MYO16: variants seen among roughly 807,000 people sequenced by gnomAD.
The protein encoded by MYO16 is myosin XVI.
A neutral mutation model predicts 205.3 loss-of-function variants in MYO16; 94 were observed. That is an observed-to-expected ratio of 0.46 (90% CI 0.39 to 0.54). The LOEUF (loss-of-function observed/expected upper bound fraction) is 0.54. Ranked by LOEUF, MYO16 falls within the 20% of genes least tolerant of loss-of-function variation. MYO16 has a pLI of 0.00. For missense variants in MYO16, 2,315 were observed against 2,387.5 expected, an observed-to-expected ratio of 0.97 and a Z score of 0.63; for synonymous variants, 988 against 954.0, an observed-to-expected ratio of 1.04 and a Z score of -0.66.
chr13:108,544,777 T>C, the MYO16 span, among the ~76,000 whole-genome samples: 1 of 152,176 alleles, frequency 6.6e-6, no homozygotes, highest in African/African-American at 2.4e-5. Context: ...GGGAGCCATC[T>C]TTCTGCTCTC....
intron 32 of MYO16, among the ~76,000 whole-genome samples, chr13:109,148,424 A>C (rs1284002930): frequency 2.0e-5 from 3 of 152,214 alleles, no homozygotes; most frequent in Non-Finnish European, 4.4e-5. Context: ...GTCATCCAAT[A>C]AGCATGTACT....
At chr13:108,769,118 CAT>C in intron 4 of MYO16, among the ~76,000 whole-genome samples, 1 of 152,246 alleles carries the variant, frequency 6.6e-6, no homozygotes, top group East Asian at 1.9e-4. Context: ...AGTTAGTAAA[CAT>C]ATGTGTGTTT....
the MYO16 span, among the ~76,000 whole-genome samples, chr13:108,536,972 T>G: frequency 6.6e-6 from 1 of 152,160 alleles, no homozygotes; most frequent in South Asian, 2.1e-4. Flanking sequence ...TATTATGCTC[T>G]TTCTTTATTT....
intron 1 of MYO16, among the ~76,000 whole-genome samples, chr13:108,635,938 A>G (rs1880206383): frequency 6.6e-6 from 1 of 152,068 alleles, no homozygotes; most frequent in Non-Finnish European, 1.5e-5. Flanking sequence ...ATTTATTCTA[A>G]AGCTAAATTA....
At chr13:108,648,108 C>G (rs1055847208) in intron 1 of MYO16, among the ~76,000 whole-genome samples, 1 of 152,170 alleles carries the variant, frequency 6.6e-6, no homozygotes, top group Non-Finnish European at 1.5e-5. Flanking sequence ...GAGCCAACTG[C>G]TTTACATCAA....
Position 109,017,596 on chromosome 13 carries a change from C to T in MYO16, c.2596-2115C>T, listed in dbSNP as rs369674817. 1.7e-3 allele frequency among the ~76,000 whole-genome samples: 253 copies of T among 152,332 alleles called. 10 individuals carry two copies. In the South Asian group the frequency reaches 0.05, roughly 30 times the overall value. On this transcript the variant is annotated intron_variant, in intron 22 of 34. Transcript: ENST00000457511. ...CCCTTCTCCCTGTCACTTTCAGGTA[C>T]ACCAATCAAACGTAGATTTGGTCTT...
At chr13:108,965,904 A>G (rs575157136) in intron 20 of MYO16, among the ~76,000 whole-genome samples, 5 of 152,326 alleles carry the variant, frequency 3.3e-5, no homozygotes, top group African/African-American at 1.2e-4. Context: ...TTTCTTAGTC[A>G]TCCGTATAGA....
chr13:108,920,802 G>A (rs1881716511), intron 16 of MYO16, among the ~76,000 whole-genome samples: 1 of 152,204 alleles, frequency 6.6e-6, no homozygotes, highest in African/African-American at 2.4e-5. Flanking sequence ...GTATAAATAA[G>A]AGATATTTAT....
At chr13:108,961,052 G>C (rs116098933) in intron 17 of MYO16, among the ~76,000 whole-genome samples, 74 of 152,068 alleles carry the variant, frequency 4.9e-4, no homozygotes, top group African/African-American at 1.7e-3. Flanking sequence ...TGTAATCATC[G>C]TGTTAATTTA....
intron 9 of MYO16, among the ~76,000 whole-genome samples, chr13:108,833,414 C>T (rs971249245): frequency 2.8e-4 from 42 of 152,086 alleles, no homozygotes; most frequent in African/African-American, 7.9e-4. Context: ...GAATTTTCTA[C>T]GGTGAAAAAT....
chr13:108,869,500 G>A (rs541650818), intron 12 of MYO16, among the ~76,000 whole-genome samples: 241 of 151,310 alleles, frequency 1.6e-3, no homozygotes, highest in African/African-American at 5.6e-3. Flanking sequence ...CGAGGCGGGC[G>A]AATCACGAGG....
At chr13:108,508,813 C>T in the MYO16 span, among the ~76,000 whole-genome samples, 5 of 152,152 alleles carry the variant, frequency 3.3e-5, no homozygotes, top group Admixed American at 6.5e-5. Flanking sequence ...CTGAAGTTCT[C>T]GTAAAGGTGT....
intron 27 of MYO16, among the ~76,000 whole-genome samples, chr13:109,081,143 G>A (rs543453337): frequency 4.6e-5 from 7 of 152,106 alleles, no homozygotes; most frequent in East Asian, 1.9e-4. Context: ...ATTCTCATAC[G>A]TTATTTATTC....
chr13:109,207,886 C>T lies in MYO16; in HGVS notation c.*1050C>T, dbSNP rs116303507. The T allele has an allele frequency of 7.9e-4, 120 of 152,356 alleles. No homozygotes were observed. The highest frequency in any genetic ancestry group is 2.8e-3 in the African/African-American group (116 of 41,572). The allele number at this position is 152,356 out of a possible 1,614,324, so 9.4% of individuals were successfully genotyped here. The stretch of plus-strand genomic sequence containing the variant: ...TTGTTCATTGATGTGCTTTCGTCGG[C>T]TGTCGGAAAGTTCTGAGCAGTGGCT... On this transcript the variant is annotated 3_prime_UTR_variant, in exon 35 of 35. Transcript: ENST00000457511.
intron 9 of MYO16, among the ~76,000 whole-genome samples, chr13:108,839,508 G>C (rs571934321): frequency 6.6e-6 from 1 of 152,034 alleles, no homozygotes; most frequent in Admixed American, 6.6e-5. Flanking sequence ...CAGTTTGTCA[G>C]ACTGCAAGGC....
chr13:108,818,313 G>A (rs1315564790), intron 7 of MYO16, among the ~76,000 whole-genome samples: 1 of 151,792 alleles, frequency 6.6e-6, no homozygotes, highest in Non-Finnish European at 1.5e-5. Flanking sequence ...GAACCTGGGA[G>A]AAGGCGGTTG....
intron 30 of MYO16, among the ~76,000 whole-genome samples, chr13:109,126,288 C>T (rs868078408): frequency 1.3e-4 from 20 of 152,160 alleles, no homozygotes; most frequent in African/African-American, 4.8e-4. Context: ...AACAAATTAT[C>T]CACTGAGTGC....
intron 15 of MYO16, among the ~76,000 whole-genome samples, chr13:108,901,949 G>A (rs569097214): frequency 6.6e-6 from 1 of 152,292 alleles, no homozygotes; most frequent in African/African-American, 2.4e-5. Flanking sequence ...AGAAATAAAA[G>A]GAATATGTTC....
chr13:108,640,132 C>T (rs938502094), intron 1 of MYO16, among the ~76,000 whole-genome samples: 3 of 152,218 alleles, frequency 2.0e-5, no homozygotes, highest in Non-Finnish European at 2.9e-5. Flanking sequence ...AAATAGGTGA[C>T]AAGGAAACAG....
Sources: gnomAD v4.1 joint callset for allele counts (sites outside exome capture counted in the v4.1 genomes callset) on GRCh38, gnomAD v4.1.1 for gene constraint, MANE v1.5 for transcripts, NCBI Gene and HGNC (gene_info 2026-07-23, HGNC 2026-07-21) for gene names.